Variants in TANGO6 observed in about 807,000 individuals in gnomAD.
TANGO6 encodes the protein transport and golgi organization 6 homolog, also known as transport and Golgi organization protein 6 homolog.
A neutral mutation model predicts 114.2 loss-of-function variants in TANGO6; 90 were observed. The observed-to-expected ratio is 0.79, with a 90% CI of 0.66 to 0.94. TANGO6 has a LOEUF of 0.94. Among genes scored for constraint, TANGO6 ranks in the 40% least tolerant of loss-of-function variants. The pLI, the probability that TANGO6 is intolerant of heterozygous loss-of-function variation, is 0.00. For missense variants in TANGO6, 1,274 were observed against 1,315.3 expected (o/e 0.97, Z 0.49); for synonymous variants, 477 against 509.8 (o/e 0.94, Z 0.87).
intron 7 of TANGO6, among the ~76,000 whole-genome samples, chr16:68,885,842 T>C (rs1962532076): frequency 6.6e-6 from 1 of 152,268 alleles, no homozygotes; most frequent in African/African-American, 2.4e-5. Context: ...AATGCTGCTA[T>C]AAACATTGGT....
At chr16:68,877,467 CAAA>C (rs35716789) in intron 5 of TANGO6, among the ~76,000 whole-genome samples, 11 of 85,770 alleles carry the variant, frequency 1.3e-4, no homozygotes, top group Admixed American at 3.9e-4. Context: ...GACTCCATCT[CAAA>C]AAAAAAAAAA....
intron 14 of TANGO6, among the ~76,000 whole-genome samples, chr16:68,942,909 T>A (rs1223462475): frequency 1.3e-5 from 2 of 149,038 alleles, no homozygotes; most frequent in African/African-American, 5.1e-5. Flanking sequence ...TTAATTTTTT[T>A]TTTTTTTTTT....
At chr16:69,040,524 G>A (rs1043672912) in intron 17 of TANGO6, 103 bp downstream of exon 17, 1 of 912,516 alleles carries the variant, frequency 1.1e-6, no homozygotes, top group Non-Finnish European at 1.7e-6. Context: ...TTCCTCGATG[G>A]ATTCATCCAA....
rs1324721288 is a variant in TANGO6 at position 69,066,001 on chromosome 16, C to A, written c.3109-17484C>A. On this transcript the variant is annotated intron_variant, in intron 17 of 17. Coordinates refer to ENST00000261778, the MANE Select transcript of TANGO6 (RefSeq NM_024562.2). ...CCACTCGCCTCAAAGACCTTGGAGT[C>A]TGGCCCCTTTCTGCTTCCCCGGCAG... is the stretch of plus-strand genomic sequence containing the variant. 3.9e-5 allele frequency among the ~76,000 whole-genome samples: 6 copies of A among 152,212 alleles called. 1 individual carries two copies. The South Asian group carries it at 1.2e-3, about 32-fold the overall frequency.
At chr16:69,055,252 A>C (rs984193634) in intron 17 of TANGO6, among the ~76,000 whole-genome samples, 1 of 152,232 alleles carries the variant, frequency 6.6e-6, no homozygotes, top group Non-Finnish European at 1.5e-5. Flanking sequence ...AGCCTGTTGC[A>C]TCCAAAGAAG....
rs369334017 is a variant in TANGO6 at position 69,015,257 on chromosome 16, G to C, written c.2843-7571G>C. 1.4e-3 allele frequency among the ~76,000 whole-genome samples: 219 copies of C among 152,242 alleles called. 2 individuals are homozygous for C. Among genetic ancestry groups the C allele is most frequent in the African/African-American group, 4.9e-3 (205 of 41,558 alleles). Reference sequence around the variant, plus strand: ...AGTCTCGGAGAACGTGGAGGCAGGGGCCCTTTGAGAAATGCAGAGTGGATG... The same window carrying C: ...AGTCTCGGAGAACGTGGAGGCAGGGCCCCTTTGAGAAATGCAGAGTGGATG... On this transcript the variant is annotated intron_variant, in intron 15 of 17. Transcript: ENST00000261778.
chr16:68,893,757 CA>C lies in TANGO6; in HGVS notation c.1378-6660del, dbSNP rs796651419. Among the ~76,000 whole-genome samples, 638 of 84,128 alleles carry C rather than the reference CA, an allele frequency of 7.6e-3. 1 individual carries two copies. The highest frequency in any genetic ancestry group is 9.8e-3 in the Non-Finnish European group (382 of 39,076). The allele number at this position is 84,128 out of a possible 152,430, so 55.2% of individuals were successfully genotyped here. ...TCTCAAAAAAAAAAAAGAAAACAAC[CA>C]AAAAAAAAAAAAAAAAGGAAAAGAA... On this transcript the variant is annotated intron_variant, in intron 7 of 17. Coordinates refer to ENST00000261778, the MANE Select transcript of TANGO6 (RefSeq NM_024562.2).
Position 68,928,298 on chromosome 16 carries a change from ATTTTTTT to A in TANGO6, c.2643+233_2643+239del, listed in dbSNP as rs10701295. ...TCAAATGAATATGAACTGAGTGCCA[ATTTTTTT>A]TTTTTTTTTTTTTTTTTGAGATGGA... On this transcript the variant is annotated intron_variant, in intron 13 of 17. Transcript: ENST00000261778. Among the ~76,000 whole-genome samples, 13 of 98,600 alleles carry A rather than the reference ATTTTTTT, an allele frequency of 1.3e-4. No individual in the cohort carries two copies. In the East Asian group the frequency reaches 2.1e-3, roughly 16 times the overall value. The allele number at this position is 98,600 out of a possible 152,430, so 64.7% of individuals were successfully genotyped here.
At chr16:68,961,789 A>T (rs1295291774) in intron 14 of TANGO6, among the ~76,000 whole-genome samples, 1 of 152,208 alleles carries the variant, frequency 6.6e-6, no homozygotes, top group Non-Finnish European at 1.5e-5. Flanking sequence ...ACAGTCAATG[A>T]TAGTTAAGAG....
chr16:69,018,384 G>T (rs1356045057), intron 15 of TANGO6, among the ~76,000 whole-genome samples: 1 of 149,652 alleles, frequency 6.7e-6, no homozygotes, highest in African/African-American at 2.4e-5. Context: ...TCCTGACCTC[G>T]TGATCTGCCC....
At chr16:68,912,145 C>T (rs768402714) in intron 11 of TANGO6, among the ~76,000 whole-genome samples, 4 of 152,104 alleles carry the variant, frequency 2.6e-5, no homozygotes, top group Non-Finnish European at 4.4e-5. Context: ...AAATGGTATA[C>T]GAAGGAAAAT....
At chr16:68,902,641 C>G in intron 9 of TANGO6, 137 bp downstream of exon 9, 1 of 746,932 alleles carries the variant, frequency 1.3e-6, no homozygotes, top group South Asian at 2.8e-5. Context: ...TATTTATATT[C>G]TCTAAATGAA....
At position 69,040,425 on chromosome 16, in the gene TANGO6, A is replaced by G. The variant is rs1959754634; in HGVS notation, c.3108+4A>G. ...ACTCAGCCAGAAAGCTACTGAGGTC[A>G]GTCCGTCTCTCGCCCTTTGCAATTT... On this transcript the variant is annotated splice_donor_region_variant and intron_variant, in intron 17 of 17. Coordinates refer to ENST00000261778, the MANE Select transcript of TANGO6 (RefSeq NM_024562.2). 1 of 1,593,512 alleles carries G rather than the reference A, an allele frequency of 6.3e-7. No homozygotes were observed. Among genetic ancestry groups the G allele is most frequent in the Non-Finnish European group, 8.6e-7 (1 of 1,169,570 alleles).
chr16:68,867,341 G>A (rs1484198117), intron 4 of TANGO6, 121 bp downstream of exon 4: 1 of 1,315,888 alleles, frequency 7.6e-7, no homozygotes, highest in Non-Finnish European at 1.1e-6. Context: ...CTCCATCCTT[G>A]CAGGGATTGA....
At chr16:68,974,205 G>A (rs1224282739) in intron 15 of TANGO6, 37 bp downstream of exon 15, 8 of 1,613,140 alleles carry the variant, frequency 5.0e-6, no homozygotes, top group Non-Finnish European at 6.8e-6. Flanking sequence ...GAAAAGGGTG[G>A]AGGATCAGTG....
chr16:68,914,555 C>T (rs1487086384), intron 11 of TANGO6, among the ~76,000 whole-genome samples: 1 of 152,138 alleles, frequency 6.6e-6, no homozygotes, highest in African/African-American at 2.4e-5. Flanking sequence ...GAAATGATGT[C>T]GGGCACTGCT....
rs1468254039 is a variant in TANGO6 at position 68,862,979 on chromosome 16, G to T, written c.770G>T (p.Gly257Val). ...GAAGAGGAGAGAACCCTATCCAGGG[G>T]GGCCTTGAGAGACATGCTGGATCAA... is the stretch of plus-strand genomic sequence containing the variant. The part of the protein sequence containing the change: ...LTEEERTLSR[G>V]ALRDMLDQVY... The change falls in exon 3 of 18, where the codon GGG becomes GTG. Residue 257 changes from glycine to valine, a missense_variant. Gly to Val is a moderately radical substitution (Grantham distance 109). This residue lies in a region of TANGO6 where 908 missense variants were observed against 910.2 expected (regional missense o/e 1.00). Transcript: ENST00000261778. 2.5e-6 allele frequency: 4 copies of T among 1,599,836 alleles called. No individual in the cohort carries two copies. The highest frequency in any genetic ancestry group is 3.4e-6 in the Non-Finnish European group (4 of 1,173,366).
chr16:69,037,149 A>G (rs1959701589), intron 16 of TANGO6, among the ~76,000 whole-genome samples: 1 of 151,780 alleles, frequency 6.6e-6, no homozygotes, highest in Admixed American at 6.6e-5. Flanking sequence ...AAAAAAAAAA[A>G]AAAAAAAGAA....
At chr16:69,016,947 C>A (rs1959310609) in intron 15 of TANGO6, among the ~76,000 whole-genome samples, 2 of 152,162 alleles carry the variant, frequency 1.3e-5, no homozygotes, top group Admixed American at 1.3e-4. Flanking sequence ...AGGTGTAAGC[C>A]ACCATACCCA....
Sources: allele counts gnomAD v4.1 joint callset (sites outside exome capture counted in the v4.1 genomes callset), GRCh38; gene constraint gnomAD v4.1.1; regional missense constraint gnomAD v4.1.1; transcripts MANE v1.5; gene names NCBI Gene and HGNC (gene_info 2026-07-23, HGNC 2026-07-21).